The following LRRC37A2 variants were observed in gnomAD, a reference collection of about 807,000 sequenced individuals.
The protein encoded by LRRC37A2 is leucine-rich repeat-containing protein 37A2.
Under a neutral mutation model 68.8 loss-of-function variants are expected in LRRC37A2, and 9 were observed. The ratio of observed to expected loss-of-function variants is 0.13; its 90% CI spans 0.08 to 0.23. The LOEUF (loss-of-function observed/expected upper bound fraction) is 0.23, where lower values mean the gene tolerates loss of function less well. LRRC37A2 is among the 10% of genes least tolerant of loss of function. The probability of loss-of-function intolerance (pLI) is 1.00; values close to 1 mark genes in which losing one functional copy is unlikely to be tolerated. For synonymous variants in LRRC37A2, 63 were observed against 367.6 expected (o/e 0.17, Z 9.48); for missense variants, 168 against 950.4 (o/e 0.18, Z 10.82).
the LRRC37A2 span, among the ~76,000 whole-genome samples, chr17:47,009,015 T>A: frequency 1.3e-5 from 2 of 152,150 alleles, no homozygotes; most frequent in African/African-American, 4.8e-5. Flanking sequence ...TACACATTTC[T>A]TTATTTTATT....
the LRRC37A2 span, among the ~76,000 whole-genome samples, chr17:46,832,130 G>T: frequency 1.3e-5 from 2 of 152,236 alleles, no homozygotes; most frequent in African/African-American, 4.8e-5. Context: ...GAAAGGTGGG[G>T]GAGGAAGACA....
the LRRC37A2 span, chr17:46,704,907 C>G: frequency 1.9e-6 from 3 of 1,555,992 alleles, no homozygotes; most frequent in East Asian, 7.0e-5. Flanking sequence ...ATAATAATAA[C>G]TCAGGCGAAA....
chr17:46,726,049 TCCTTCATACTCAA>T, the LRRC37A2 span, among the ~76,000 whole-genome samples: 10 of 152,226 alleles, frequency 6.6e-5, no homozygotes, highest in African/African-American at 1.2e-4. Context: ...ATCTATCTGA[TCCTTCATACTCAA>T]CCTTTAATTC....
the LRRC37A2 span, chr17:46,931,027 C>A: frequency 7.0e-6 from 6 of 861,454 alleles, no homozygotes; most frequent in Admixed American, 5.4e-5. Context: ...AAAAAAAAAT[C>A]TGTGATTTAT....
the LRRC37A2 span, among the ~76,000 whole-genome samples, chr17:46,769,492 G>A: frequency 5.1e-4 from 77 of 152,262 alleles, no homozygotes; most frequent in African/African-American, 1.6e-3. Flanking sequence ...GCCCTACACC[G>A]CGTGCCAAGG....
the LRRC37A2 span, among the ~76,000 whole-genome samples, chr17:47,026,423 G>C: frequency 2.0e-5 from 3 of 152,308 alleles, no homozygotes; most frequent in East Asian, 5.8e-4. Context: ...GTCGTTGAGA[G>C]GGCACGTTAG....
the LRRC37A2 span, among the ~76,000 whole-genome samples, chr17:46,822,592 G>A: frequency 2.0e-5 from 3 of 152,222 alleles, no homozygotes; most frequent in East Asian, 5.8e-4. Flanking sequence ...CTGCGGGCCC[G>A]GCATCCTCAA....
chr17:46,870,908 T>TTA, the LRRC37A2 span, among the ~76,000 whole-genome samples: 2 of 145,356 alleles, frequency 1.4e-5, no homozygotes, highest in East Asian at 4.1e-4. Flanking sequence ...CCTTTGCTTT[T>TTA]TTTTTTTTTT....
the LRRC37A2 span, chr17:46,935,084 A>G: frequency 1.2e-6 from 2 of 1,613,160 alleles, no homozygotes; most frequent in Non-Finnish European, 1.7e-6. Flanking sequence ...TCCTCCCTCC[A>G]GAAAGTTCAC....
the LRRC37A2 span, among the ~76,000 whole-genome samples, chr17:46,823,148 ATATT>A: frequency 2.3e-4 from 30 of 129,334 alleles, 1 homozygote; most frequent in African/African-American, 9.0e-4. Flanking sequence ...TATATTATAT[ATATT>A]TATATATTAT....
At chr17:47,001,619 T>A in the LRRC37A2 span, among the ~76,000 whole-genome samples, 1 of 151,986 alleles carries the variant, frequency 6.6e-6, no homozygotes, top group Non-Finnish European at 1.5e-5. Flanking sequence ...CCCAAAAAAT[T>A]TCCTTGTTGC....
At chr17:46,543,280 AATG>A (rs1427617540) in intron 8 of LRRC37A2, among the ~76,000 whole-genome samples, 2 of 150,468 alleles carry the variant, frequency 1.3e-5, no homozygotes, top group African/African-American at 2.5e-5. Context: ...GCTCATGTGT[AATG>A]ATCTTTCATG....
At chr17:46,493,763 T>C in the LRRC37A2 span, among the ~76,000 whole-genome samples, 1 of 149,454 alleles carries the variant, frequency 6.7e-6, no homozygotes, top group African/African-American at 2.5e-5. Flanking sequence ...GGTCTTGATC[T>C]CCTGACCTTG....
chr17:46,779,092 CACACA>C, the LRRC37A2 span, among the ~76,000 whole-genome samples: 1 of 148,382 alleles, frequency 6.7e-6, no homozygotes, highest in Admixed American at 6.8e-5. Flanking sequence ...CACACACACA[CACACA>C]CACACACCCC....
At chr17:46,568,942 C>CT in the LRRC37A2 span, among the ~76,000 whole-genome samples, 268 of 71,138 alleles carry the variant, frequency 3.8e-3, 5 homozygotes, top group African/African-American at 6.4e-3. Context: ...TTTTTTTTCT[C>CT]TTTTTTTTTT....
the LRRC37A2 span, among the ~76,000 whole-genome samples, chr17:46,950,109 A>T: frequency 2.6e-5 from 4 of 152,258 alleles, no homozygotes; most frequent in African/African-American, 7.2e-5. Context: ...ACCCACTTTC[A>T]TATCATAGGA....
At chr17:46,758,181 C>T in the LRRC37A2 span, among the ~76,000 whole-genome samples, 1 of 152,168 alleles carries the variant, frequency 6.6e-6, no homozygotes, top group African/African-American at 2.4e-5. Context: ...TAGTTTTTTA[C>T]ATTTTTCTGA....
At chr17:46,625,879 T>TAAAAA in the LRRC37A2 span, among the ~76,000 whole-genome samples, 4 of 59,002 alleles carry the variant, frequency 6.8e-5, no homozygotes, top group Non-Finnish European at 9.3e-5. Flanking sequence ...CCACATGTAT[T>TAAAAA]AAAAAAAAAA....
chr17:46,799,375 A>G, the LRRC37A2 span, among the ~76,000 whole-genome samples: 1 of 151,546 alleles, frequency 6.6e-6, no homozygotes, highest in Non-Finnish European at 1.5e-5. Context: ...TATTTTTATA[A>G]CCCTGCTACA....
Sources: allele counts gnomAD v4.1 joint callset (sites outside exome capture counted in the v4.1 genomes callset), GRCh38; gene constraint gnomAD v4.1.1; transcripts MANE v1.5; gene names NCBI Gene and HGNC (gene_info 2026-07-23, HGNC 2026-07-21).